GRIK3: variants seen among roughly 807,000 people sequenced by gnomAD.
GRIK3 encodes glutamate ionotropic receptor kainate type subunit 3.
GRIK3 carries 29 observed loss-of-function variants against 102.5 expected under a neutral mutation model. That is an observed-to-expected ratio of 0.28 (90% confidence interval 0.21 to 0.39). The LOEUF is 0.39. GRIK3 is among the 10% of genes least tolerant of loss of function. GRIK3 has a pLI of 1.00. For synonymous variants in GRIK3, 511 were observed against 504.9 expected, an observed-to-expected ratio of 1.01 and a Z score of -0.16; for missense variants, 908 against 1,252.4, an observed-to-expected ratio of 0.73 and a Z score of 4.15.
intron 1 of GRIK3, among the ~76,000 whole-genome samples, chr1:36,986,473 TC>T (rs1557452974): frequency 3.4e-5 from 5 of 145,988 alleles, no homozygotes; most frequent in South Asian, 2.2e-4. Flanking sequence ...AGCCCATCCA[TC>T]CATCCATCCA....
intron 1 of GRIK3, among the ~76,000 whole-genome samples, chr1:36,969,811 A>T (rs939741193): frequency 6.6e-6 from 1 of 152,232 alleles, no homozygotes; most frequent in African/African-American, 2.4e-5. Context: ...TGGGCACAAC[A>T]CACCCAGAAA....
At chr1:36,812,143 G>A (rs1321565096) in intron 13 of GRIK3, among the ~76,000 whole-genome samples, 1 of 152,070 alleles carries the variant, frequency 6.6e-6, no homozygotes, top group Non-Finnish European at 1.5e-5. Context: ...CATCTTCCTA[G>A]GCCCTCCAGC....
At chr1:36,841,674 G>A in intron 10 of GRIK3, 62 bp downstream of exon 10, 1 of 1,393,730 alleles carries the variant, frequency 7.2e-7, no homozygotes, top group Non-Finnish European at 1.0e-6. Context: ...CTGTGGTGCA[G>A]ACAGTTCTAG....
At chr1:36,825,850 GAC>G (rs1400749289) in intron 10 of GRIK3, 24 bp from the exon 11 acceptor site, 2 of 1,522,728 alleles carry the variant, frequency 1.3e-6, no homozygotes, top group South Asian at 2.4e-5. Flanking sequence ...GAGAGAGAAA[GAC>G]AGACTATGAG....
intron 10 of GRIK3, among the ~76,000 whole-genome samples, chr1:36,835,915 C>A (rs1057108427): frequency 6.6e-6 from 1 of 152,158 alleles, no homozygotes; most frequent in Non-Finnish European, 1.5e-5. Flanking sequence ...TCCTGCACCC[C>A]TCACCTGCTT....
At chr1:36,807,785 G>A (rs1185077050) in intron 13 of GRIK3, among the ~76,000 whole-genome samples, 2 of 152,266 alleles carry the variant, frequency 1.3e-5, no homozygotes, top group Admixed American at 1.3e-4. Context: ...TATCAGTTGA[G>A]TGCCAGTGAT....
intron 1 of GRIK3, among the ~76,000 whole-genome samples, chr1:36,968,605 A>T (rs1642105548): frequency 6.6e-6 from 1 of 152,294 alleles, no homozygotes; most frequent in Admixed American, 6.5e-5. Context: ...GCACCTAGTC[A>T]GCCCACTGGT....
chr1:36,970,046 T>C (rs776079402), intron 1 of GRIK3, among the ~76,000 whole-genome samples: 79 of 152,306 alleles, frequency 5.2e-4, no homozygotes, highest in Non-Finnish European at 9.1e-4. Flanking sequence ...TGATGCCAGG[T>C]GTGATATCCA....
intron 1 of GRIK3, among the ~76,000 whole-genome samples, chr1:36,922,630 A>T (rs1016646753): frequency 2.0e-5 from 3 of 152,198 alleles, no homozygotes; most frequent in Non-Finnish European, 4.4e-5. Flanking sequence ...GCGCTTATTT[A>T]TCAAGGAAGA....
At chr1:36,811,776 C>T (rs1642565774) in intron 13 of GRIK3, among the ~76,000 whole-genome samples, 1 of 152,200 alleles carries the variant, frequency 6.6e-6, no homozygotes, top group Admixed American at 6.5e-5. Context: ...CCTAAGTCCT[C>T]CTGTATGCCT....
At chr1:36,877,502 G>T in intron 3 of GRIK3, among the ~76,000 whole-genome samples, 1 of 152,152 alleles carries the variant, frequency 6.6e-6, no homozygotes, top group East Asian at 1.9e-4. Flanking sequence ...ATTATTCTAC[G>T]CCTTTGCTCA....
At chr1:36,823,949 T>C (rs1213328780) in intron 11 of GRIK3, among the ~76,000 whole-genome samples, 3 of 152,148 alleles carry the variant, frequency 2.0e-5, no homozygotes, top group Non-Finnish European at 4.4e-5. Context: ...GGGATAATTA[T>C]ACCCACCTCA....
At chr1:36,896,901 C>A (rs549447) in intron 1 of GRIK3, among the ~76,000 whole-genome samples, 1 of 151,982 alleles carries the variant, frequency 6.6e-6, no homozygotes, top group Non-Finnish European at 1.5e-5. Flanking sequence ...GAAAAAAATG[C>A]GATCATCTGA....
At chr1:36,873,688 T>A (rs966870030) in intron 3 of GRIK3, among the ~76,000 whole-genome samples, 1 of 151,748 alleles carries the variant, frequency 6.6e-6, no homozygotes, top group Non-Finnish European at 1.5e-5. Flanking sequence ...GGGAAAAACT[T>A]CTCCCCCACT....
At chr1:36,931,997 GC>G (rs1377669120) in intron 1 of GRIK3, among the ~76,000 whole-genome samples, 2 of 152,018 alleles carry the variant, frequency 1.3e-5, no homozygotes, top group Non-Finnish European at 2.9e-5. Flanking sequence ...ATCCTGTCCT[GC>G]CCCCTATCTG....
Position 36,806,412 on chromosome 1 carries a change from G to C in GRIK3, c.2092-86C>G. 1 of 779,650 alleles carries C rather than the reference G, an allele frequency of 1.3e-6. No homozygotes were observed. 48.3% of individuals were successfully genotyped at this position (779,650 alleles called of 1,614,324 possible). A position where few individuals can be genotyped will look rare whatever the true frequency, so the allele number is the denominator to read the frequency against. On this transcript the variant is annotated intron_variant, in intron 13 of 15. Transcript: ENST00000373091. The surrounding 1 kb of genome is among the most constrained non-coding windows in gnomAD (Gnocchi z 4.0). ...CCGCATACCCTGCACAACGTGGGTT[G>C]GGGCCTTGAACTCGGTCTACAATCT...
At chr1:37,026,026 C>A (rs1642761870) in intron 1 of GRIK3, among the ~76,000 whole-genome samples, 2 of 152,130 alleles carry the variant, frequency 1.3e-5, no homozygotes, top group Admixed American at 6.5e-5. Context: ...AGTGTCTATC[C>A]CCTAGGGCCT....
chr1:37,017,845 A>C (rs138213001), intron 1 of GRIK3, among the ~76,000 whole-genome samples: 2,771 of 152,306 alleles, frequency 0.018, 45 homozygotes, highest in South Asian at 0.032. Flanking sequence ...TGTCCAGTTC[A>C]AACTGAGTGA....
intron 9 of GRIK3, among the ~76,000 whole-genome samples, chr1:36,842,874 C>T (rs749031302): frequency 6.6e-6 from 1 of 152,136 alleles, no homozygotes; most frequent in Non-Finnish European, 1.5e-5. Flanking sequence ...GTTAGTGTGA[C>T]CCCAGAGTGC....
Sources: allele counts gnomAD v4.1 joint callset (sites outside exome capture counted in the v4.1 genomes callset), GRCh38; gene constraint gnomAD v4.1.1; non-coding constraint Gnocchi (gnomAD v3.1); transcripts MANE v1.5; gene names NCBI Gene and HGNC (gene_info 2026-07-23, HGNC 2026-07-21).